Variants in INVS observed in about 807,000 individuals in gnomAD.
INVS encodes the protein inversion of embryo turning homolog.
In INVS, 86 loss-of-function variants were observed where a neutral mutation model predicts 108.8. The ratio of observed to expected loss-of-function variants is 0.79; its 90% CI spans 0.66 to 0.95. The LOEUF (loss-of-function observed/expected upper bound fraction) is 0.95. Among genes scored for constraint, INVS ranks in the 40% least tolerant of loss-of-function variants. The probability of loss-of-function intolerance (pLI) is 0.00; values close to 1 mark genes in which losing one functional copy is unlikely to be tolerated. For synonymous variants in INVS, 455 were observed against 473.5 expected (o/e 0.96, Z 0.51); for missense variants, 1,169 against 1,297.4 (o/e 0.90, Z 1.52).
In INVS at chr9:100,272,893, G is replaced by A. The variant is rs1282004792; in HGVS notation, c.1601G>A (p.Gly534Asp). ...RYTPLDYALL[G>D]ERHEVIQFML... ...ACACCCCTTGATTATGCTTTGCTTG[G>A]TGAGCGCCATGAAGTGATCCAGTTC... Residue 534 changes from glycine (G) to aspartate (D), a missense_variant, in exon 12 of 17, where the codon GGT becomes GAT. Physicochemically the swap from Gly to Asp is moderately conservative, Grantham distance 94. Coordinates refer to ENST00000262457, the MANE Select transcript of INVS (RefSeq NM_014425.5). 10 of 1,613,946 alleles carry A rather than the reference G, an allele frequency of 6.2e-6. No individual in the cohort carries two copies. Among genetic ancestry groups the A allele is most frequent in the Non-Finnish European group, 8.5e-6 (10 of 1,179,992 alleles).
At chr9:100,226,567 C>T (rs1289459560) in intron 4 of INVS, among the ~76,000 whole-genome samples, 1 of 152,074 alleles carries the variant, frequency 6.6e-6, no homozygotes, top group Non-Finnish European at 1.5e-5. Flanking sequence ...AATCCCAGCA[C>T]TTTGGGAGGC....
intron 3 of INVS, among the ~76,000 whole-genome samples, chr9:100,207,474 G>T (rs914962990): frequency 6.6e-6 from 1 of 151,826 alleles, no homozygotes; most frequent in Non-Finnish European, 1.5e-5. Context: ...TGTTTTTTTA[G>T]TAGAGATGGG....
chr9:100,118,729 CG>C (rs1214321274), intron 2 of INVS, among the ~76,000 whole-genome samples: 4 of 151,914 alleles, frequency 2.6e-5, no homozygotes, highest in Admixed American at 6.6e-5. Context: ...GGCATGATCT[CG>C]GCTCACTGCA....
chr9:100,277,117 T>A (rs1247383152), intron 12 of INVS, among the ~76,000 whole-genome samples: 2 of 152,232 alleles, frequency 1.3e-5, no homozygotes, highest in African/African-American at 4.8e-5. Flanking sequence ...CAAGAAGTCC[T>A]GTACCTCTCA....
At chr9:100,248,221 C>T (rs573943619) in intron 8 of INVS, among the ~76,000 whole-genome samples, 14 of 152,162 alleles carry the variant, frequency 9.2e-5, no homozygotes, top group Non-Finnish European at 1.9e-4. Flanking sequence ...ATTATATATT[C>T]TTCCACTTTA....
intron 7 of INVS, among the ~76,000 whole-genome samples, chr9:100,243,808 G>A (rs930298308): frequency 2.0e-5 from 3 of 152,056 alleles, no homozygotes; most frequent in South Asian, 2.1e-4. Flanking sequence ...TCTGGAGTTC[G>A]AGAACAGCCT....
chr9:100,163,515 C>G (rs1470520310), intron 3 of INVS, among the ~76,000 whole-genome samples: 1 of 152,038 alleles, frequency 6.6e-6, no homozygotes, highest in Non-Finnish European at 1.5e-5. Flanking sequence ...CTTCAAAGAT[C>G]TTACATTTTG....
At chr9:100,120,695 GC>G in intron 2 of INVS, 1 of 152,162 alleles carries the variant, frequency 6.6e-6, no homozygotes, top group Non-Finnish European at 1.5e-5. Context: ...GAAGGTCTTT[GC>G]TTTTCTATCT....
intron 11 of INVS, among the ~76,000 whole-genome samples, chr9:100,266,801 GCT>G (rs966129645): frequency 2.0e-5 from 3 of 151,980 alleles, no homozygotes; most frequent in Non-Finnish European, 4.4e-5. Context: ...TTTCATGGAT[GCT>G]CTAACTAAAA....
At chr9:100,185,174 A>G (rs1158139662) in intron 3 of INVS, among the ~76,000 whole-genome samples, 1 of 151,860 alleles carries the variant, frequency 6.6e-6, no homozygotes, top group African/African-American at 2.4e-5. Flanking sequence ...AAAAATGTAA[A>G]CTTTATACTG....
At chr9:100,212,697 T>C (rs1430270351) in intron 3 of INVS, among the ~76,000 whole-genome samples, 1 of 152,244 alleles carries the variant, frequency 6.6e-6, no homozygotes, top group Non-Finnish European at 1.5e-5. Flanking sequence ...TCTTCCCTTA[T>C]TTCCATTTAG....
chr9:100,261,037 A>G (rs1042995150), intron 10 of INVS, among the ~76,000 whole-genome samples: 1 of 152,148 alleles, frequency 6.6e-6, no homozygotes, highest in Middle Eastern at 3.2e-3. Flanking sequence ...GTATTAATTT[A>G]TCTCAGTTTA....
chr9:100,211,651 T>C (rs761360045), intron 3 of INVS, among the ~76,000 whole-genome samples: 3 of 152,182 alleles, frequency 2.0e-5, no homozygotes, highest in Non-Finnish European at 2.9e-5. Context: ...GGGGGAAATA[T>C]TAGAAGAGTT....
At chr9:100,268,281 G>A (rs1433595181) in intron 11 of INVS, among the ~76,000 whole-genome samples, 4 of 152,020 alleles carry the variant, frequency 2.6e-5, no homozygotes, top group Non-Finnish European at 5.9e-5. Flanking sequence ...TTGTGATAAA[G>A]GATTCATTTT....
chr9:100,112,000 T>C (rs1395553765), intron 2 of INVS, among the ~76,000 whole-genome samples: 1 of 152,112 alleles, frequency 6.6e-6, no homozygotes, highest in African/African-American at 2.4e-5. Flanking sequence ...CTTTCTTTCT[T>C]TTTTTGAGAC....
intron 2 of INVS, among the ~76,000 whole-genome samples, chr9:100,109,438 A>C (rs1187883704): frequency 6.6e-6 from 1 of 152,240 alleles, no homozygotes; most frequent in African/African-American, 2.4e-5. Context: ...AGAGCACTAA[A>C]TGCAACAAAG....
intron 3 of INVS, among the ~76,000 whole-genome samples, chr9:100,225,215 G>A (rs958023683): frequency 2.6e-5 from 4 of 151,282 alleles, no homozygotes; most frequent in African/African-American, 4.9e-5. Flanking sequence ...CCACCACCAC[G>A]CCCGGCTAAT....
chr9:100,231,230 A>C (rs989424479), intron 5 of INVS, among the ~76,000 whole-genome samples: 1 of 152,116 alleles, frequency 6.6e-6, no homozygotes, highest in Non-Finnish European at 1.5e-5. Flanking sequence ...ATTATTTTTT[A>C]ATCGTTTTTT....
intron 3 of INVS, among the ~76,000 whole-genome samples, chr9:100,212,587 T>G (rs2118309231): frequency 6.6e-6 from 1 of 152,260 alleles, no homozygotes; most frequent in East Asian, 1.9e-4. Flanking sequence ...ACTCAAAAAT[T>G]TTTATCCCTA....
Sources: allele counts gnomAD v4.1 joint callset (sites outside exome capture counted in the v4.1 genomes callset), GRCh38; gene constraint gnomAD v4.1.1; transcripts MANE v1.5; gene names NCBI Gene and HGNC (gene_info 2026-07-23, HGNC 2026-07-21).